Variants in AR observed in about 807,000 individuals in gnomAD.
AR encodes the protein dihydrotestosterone receptor.
Under a neutral mutation model 53.9 loss-of-function variants are expected in AR, and 8 were observed. That is an observed-to-expected ratio of 0.15 (90% CI 0.09 to 0.27). The LOEUF (loss-of-function observed/expected upper bound fraction) is 0.27, where lower values mean the gene tolerates loss of function less well. AR is among the 10% of genes least tolerant of loss of function. The pLI is 1.00. For missense variants in AR, 639 were observed against 742.5 expected (o/e 0.86, Z 1.62); for synonymous variants, 359 against 316.4 (o/e 1.13, Z -1.43).
chrX:67,607,093 G>A (rs763195567), intron 1 of AR, among the ~76,000 whole-genome samples: 4 of 110,778 alleles, frequency 3.6e-5, no homozygotes, highest in East Asian at 2.8e-4. Flanking sequence ...GCAATGGCAC[G>A]AATTTGGCTC....
chrX:67,606,957 T>C (rs765315022), intron 1 of AR, among the ~76,000 whole-genome samples: 7 of 112,393 alleles, frequency 6.2e-5, no homozygotes, highest in Admixed American at 1.9e-4. Flanking sequence ...TTCTATTGGC[T>C]CTTTGTGAAT....
At chrX:67,694,883 C>G (rs2076012726) in intron 3 of AR, 3 of 1,057,183 alleles carry the variant, frequency 2.8e-6, no homozygotes, top group South Asian at 5.4e-5. Flanking sequence ...CTGACTCCCT[C>G]CAGCGGGACC....
intron 3 of AR, chrX:67,695,595 C>A: frequency 9.3e-6 from 7 of 753,841 alleles, no homozygotes; most frequent in Non-Finnish European, 1.1e-5. Context: ...TCTCTCTCTG[C>A]TCCATAGCTT....
rs766161615 is a variant in AR at position 67,546,589 on chromosome X, C to G, written c.1443C>G (p.Tyr481Ter). 8.6e-7 allele frequency: 1 copy of G among 1,165,890 alleles called. No individual in the cohort carries two copies. Reference protein sequence around the residue: ...GGGEAGAVAPYGYTRPPQGLA... With the variant: ...GGGEAGAVAP ...GCGAGGCGGGAGCTGTAGCCCCCTACGGCTACACTCGGCCCCCTCAGGGGC... is the reference window on the plus strand; with the variant it reads ...GCGAGGCGGGAGCTGTAGCCCCCTAGGGCTACACTCGGCCCCCTCAGGGGC... Residue 481 changes from tyrosine (Y) to a stop codon, truncating the protein, a stop_gained, in exon 1 of 8, where the codon TAC becomes TAG. Coordinates refer to ENST00000374690, the MANE Select transcript of AR (RefSeq NM_000044.6). LOFTEE classifies it high-confidence loss of function.
intron 3 of AR, among the ~76,000 whole-genome samples, chrX:67,707,295 A>G (rs1355704795): frequency 8.9e-6 from 1 of 111,936 alleles, no homozygotes; most frequent in Non-Finnish European, 1.9e-5. Context: ...GTAGGTCTCT[A>G]AGTAATCACT....
intron 2 of AR, among the ~76,000 whole-genome samples, chrX:67,655,655 G>A (rs781218168): frequency 2.1e-4 from 23 of 111,079 alleles, no homozygotes; most frequent in African/African-American, 4.9e-4. Context: ...TCTAATATCC[G>A]TTAGTAGTGT....
chrX:67,711,239 C>T (rs1159693853), intron 3 of AR, among the ~76,000 whole-genome samples, 163 bp from the exon 4 acceptor site: 1 of 112,097 alleles, frequency 8.9e-6, no homozygotes, highest in Non-Finnish European at 1.9e-5. Flanking sequence ...ATGAATTATA[C>T]ATTTAACCAG....
intron 1 of AR, among the ~76,000 whole-genome samples, chrX:67,578,825 T>C (rs2147353295): frequency 8.9e-6 from 1 of 112,162 alleles, no homozygotes; most frequent in African/African-American, 3.2e-5. Flanking sequence ...TTTGAACATT[T>C]ATATTCTGCT....
intron 2 of AR, among the ~76,000 whole-genome samples, chrX:67,650,403 G>A (rs1432573489): frequency 8.9e-6 from 1 of 111,923 alleles, no homozygotes; most frequent in Non-Finnish European, 1.9e-5. Context: ...GAATTGCTGG[G>A]TGACTATCAA....
At position 67,701,839 on chromosome X, in the gene AR, T is replaced by A. The variant is rs376569373; in HGVS notation, c.1886-9563T>A. Among the ~76,000 whole-genome samples, 28 of 112,380 alleles carry A rather than the reference T, an allele frequency of 2.5e-4. No individual in the cohort carries two copies. In the East Asian group the frequency reaches 4.5e-3, roughly 18 times the overall value. ...TGAAAATCTTTAAGCCACTATAGTG[T>A]CCCAAATCTATTCCAGTTTGGGCAG... is the stretch of plus-strand genomic sequence containing the variant. On this transcript the variant is annotated intron_variant, in intron 3 of 7. Transcript: ENST00000374690.
intron 3 of AR, among the ~76,000 whole-genome samples, chrX:67,706,261 GA>G (rs1197655844): frequency 2.7e-5 from 3 of 111,535 alleles, no homozygotes; most frequent in Non-Finnish European, 3.8e-5. Context: ...ATTCAGCTGT[GA>G]AATCCATCTA....
At chrX:67,617,119 G>C (rs1394743308) in intron 1 of AR, among the ~76,000 whole-genome samples, 1 of 111,779 alleles carries the variant, frequency 8.9e-6, no homozygotes, top group Non-Finnish European at 1.9e-5. Context: ...TCACTTGCTT[G>C]CTAAGTCACT....
At chrX:67,694,407 G>GTA (rs986114482) in intron 3 of AR, among the ~76,000 whole-genome samples, 5 of 108,410 alleles carry the variant, frequency 4.6e-5, no homozygotes, top group East Asian at 2.9e-4. Flanking sequence ...ACATATATAT[G>GTA]TATATATATA....
At chrX:67,612,640 G>A (rs181008841) in intron 1 of AR, among the ~76,000 whole-genome samples, 2 of 112,179 alleles carry the variant, frequency 1.8e-5, no homozygotes, top group African/African-American at 3.2e-5. Flanking sequence ...GCAGATCAAG[G>A]ATCTGGTGGA....
chrX:67,609,933 C>A (rs776770367), intron 1 of AR, among the ~76,000 whole-genome samples: 39 of 111,351 alleles, frequency 3.5e-4, no homozygotes, highest in Non-Finnish European at 4.9e-4. Context: ...GGGGCAAGAC[C>A]ACTTAACTCT....
chrX:67,665,364 G>A (rs1461572792), intron 2 of AR, among the ~76,000 whole-genome samples: 1 of 112,349 alleles, frequency 8.9e-6, no homozygotes, highest in African/African-American at 3.2e-5. Context: ...TAATAGAAAT[G>A]AACTCTCATT....
intron 1 of AR, among the ~76,000 whole-genome samples, chrX:67,628,260 T>A (rs1166567919): frequency 1.9e-5 from 2 of 106,583 alleles, no homozygotes; most frequent in Admixed American, 2.1e-4. Context: ...TGATTCTTCC[T>A]ACCCATGAGC....
intron 3 of AR, among the ~76,000 whole-genome samples, chrX:67,709,157 T>C (rs2076082456): frequency 8.9e-6 from 1 of 111,815 alleles, no homozygotes. Context: ...ACCACTACTC[T>C]CTTCAAAGCT....
chrX:67,558,620 G>A (rs764143527), intron 1 of AR, among the ~76,000 whole-genome samples: 3 of 111,549 alleles, frequency 2.7e-5, no homozygotes, highest in Non-Finnish European at 3.8e-5. Flanking sequence ...GTGATGGAAA[G>A]GGGTGGTTAG....
Sources: allele counts gnomAD v4.1 joint callset (sites outside exome capture counted in the v4.1 genomes callset), GRCh38; gene constraint gnomAD v4.1.1; transcripts MANE v1.5; gene names NCBI Gene and HGNC (gene_info 2026-07-23, HGNC 2026-07-21).